Variants in DLG2 observed in about 807,000 individuals in gnomAD.
DLG2 encodes disks large homolog 2.
In DLG2, 45 loss-of-function variants were observed where a neutral mutation model predicts 132.5. The observed-to-expected ratio is 0.34, with a 90% CI of 0.27 to 0.44. The LOEUF is 0.44. DLG2 is among the 20% of genes least tolerant of loss of function. The pLI, the probability that DLG2 is intolerant of heterozygous loss-of-function variation, is 1.00. For missense variants in DLG2, 1,045 were observed against 1,196.9 expected (o/e 0.87, Z 1.87); for synonymous variants, 424 against 419.6 (o/e 1.01, Z -0.13).
intron 8 of DLG2, among the ~76,000 whole-genome samples, chr11:84,166,500 C>CAAAAAA (rs398016937): frequency 2.1e-3 from 161 of 76,414 alleles, no homozygotes; most frequent in African/African-American, 3.0e-3. Flanking sequence ...GACTCTGCTT[C>CAAAAAA]AAAAAAAAAA....
intron 8 of DLG2, among the ~76,000 whole-genome samples, chr11:84,221,617 C>A (rs1357030873): frequency 5.9e-5 from 9 of 152,134 alleles, no homozygotes; most frequent in Non-Finnish European, 1.3e-4. Context: ...ACCTGTACAG[C>A]ATTTTAAGAA....
intron 10 of DLG2, among the ~76,000 whole-genome samples, chr11:84,063,981 G>A (rs538705379): frequency 2.1e-4 from 32 of 151,538 alleles, no homozygotes; most frequent in Middle Eastern, 3.4e-3. Context: ...GGGGCTGGGG[G>A]AGGGATAGCA....
At chr11:85,604,922 G>C (rs999678278) in intron 2 of DLG2, among the ~76,000 whole-genome samples, 2 of 152,012 alleles carry the variant, frequency 1.3e-5, no homozygotes, top group African/African-American at 4.8e-5. Flanking sequence ...TGAACTTTTA[G>C]AGAAAAGAAA....
chr11:85,475,822 T>C (rs1428125293), intron 3 of DLG2, among the ~76,000 whole-genome samples: 1 of 152,120 alleles, frequency 6.6e-6, no homozygotes, highest in Admixed American at 6.5e-5. Context: ...TAGTGGCAAG[T>C]CCAGGATTTG....
At chr11:84,906,504 G>C (rs2091535012) in intron 6 of DLG2, among the ~76,000 whole-genome samples, 1 of 151,346 alleles carries the variant, frequency 6.6e-6, no homozygotes, top group South Asian at 2.1e-4. Flanking sequence ...TATGAGACAG[G>C]AGACATGATA....
intron 4 of DLG2, among the ~76,000 whole-genome samples, chr11:85,249,871 C>G (rs1451413349): frequency 2.0e-5 from 3 of 152,100 alleles, no homozygotes; most frequent in African/African-American, 7.2e-5. Context: ...AACTAAGAAC[C>G]TCTTTTATTT....
At chr11:83,819,845 A>C (rs908753903) in intron 17 of DLG2, among the ~76,000 whole-genome samples, 6 of 152,146 alleles carry the variant, frequency 3.9e-5, no homozygotes, top group Non-Finnish European at 8.8e-5. Context: ...AAGAAGGAGT[A>C]ACATTTCTCA....
chr11:83,550,970 T>C (rs656727), intron 19 of DLG2, among the ~76,000 whole-genome samples: 1 of 152,012 alleles, frequency 6.6e-6, no homozygotes, highest in Non-Finnish European at 1.5e-5. Context: ...TTGCTAATAG[T>C]CGATTATCAT....
intron 18 of DLG2, among the ~76,000 whole-genome samples, chr11:83,752,133 T>C (rs1823488796): frequency 6.6e-6 from 1 of 151,984 alleles, no homozygotes; most frequent in African/African-American, 2.4e-5. Context: ...CTGGGCATGG[T>C]GGTGGGCTCC....
intron 21 of DLG2, among the ~76,000 whole-genome samples, chr11:83,495,834 G>A (rs1419189179): frequency 1.3e-5 from 2 of 152,006 alleles, no homozygotes; most frequent in African/African-American, 4.8e-5. Context: ...AAATTATTAA[G>A]GGATAGATTA....
At chr11:84,095,664 A>T (rs149928833) in intron 10 of DLG2, among the ~76,000 whole-genome samples, 29 of 152,290 alleles carry the variant, frequency 1.9e-4, no homozygotes, top group Non-Finnish European at 3.7e-4. Flanking sequence ...GGATCCCCAA[A>T]TGATTTATGC....
At chr11:84,715,529 C>A (rs1157907796) in intron 6 of DLG2, among the ~76,000 whole-genome samples, 1 of 152,060 alleles carries the variant, frequency 6.6e-6, no homozygotes, top group East Asian at 1.9e-4. Context: ...CCCACATCTT[C>A]AAATTTCCTC....
intron 6 of DLG2, among the ~76,000 whole-genome samples, chr11:84,830,199 CAGAT>C (rs990208763): frequency 2.0e-5 from 3 of 151,496 alleles, no homozygotes; most frequent in African/African-American, 7.3e-5. Context: ...GAGAGAGAAA[CAGAT>C]AGAGAACATT....
chr11:84,109,120 A>G (rs1394536546), intron 9 of DLG2, among the ~76,000 whole-genome samples: 1 of 152,188 alleles, frequency 6.6e-6, no homozygotes, highest in Non-Finnish European at 1.5e-5. Flanking sequence ...ATCGTCAAAA[A>G]AAAAATAATA....
intron 17 of DLG2, among the ~76,000 whole-genome samples, chr11:83,820,199 AC>A (rs2050376191): frequency 6.6e-6 from 1 of 152,138 alleles, no homozygotes; most frequent in African/African-American, 2.4e-5. Context: ...TTATTGTCTT[AC>A]GGGAACAATA....
intron 6 of DLG2, among the ~76,000 whole-genome samples, chr11:84,735,972 T>C (rs2063775677): frequency 1.3e-5 from 2 of 151,960 alleles, no homozygotes; most frequent in South Asian, 2.1e-4. Flanking sequence ...ATCTAAGAAA[T>C]CTGTTTAACC....
At chr11:85,282,147 T>TA (rs988488273) in intron 4 of DLG2, among the ~76,000 whole-genome samples, 1 of 151,338 alleles carries the variant, frequency 6.6e-6, no homozygotes, top group Non-Finnish European at 1.5e-5. Flanking sequence ...ATATGGAAGC[T>TA]AAAAAAAATA....
intron 8 of DLG2, among the ~76,000 whole-genome samples, chr11:84,214,025 G>A (rs2096795203): frequency 6.6e-6 from 1 of 150,852 alleles, no homozygotes; most frequent in Non-Finnish European, 1.5e-5. Context: ...CCCACAGAGG[G>A]CAAATAACCC....
chr11:85,141,200 T>A (rs1267627119), intron 5 of DLG2, among the ~76,000 whole-genome samples: 2 of 151,904 alleles, frequency 1.3e-5, no homozygotes, highest in Non-Finnish European at 2.9e-5. Flanking sequence ...GTATGAGGGT[T>A]ACCCTTTCTC....
Sources: allele counts gnomAD v4.1 joint callset (sites outside exome capture counted in the v4.1 genomes callset), GRCh38; gene constraint gnomAD v4.1.1; transcripts MANE v1.5; gene names NCBI Gene and HGNC (gene_info 2026-07-23, HGNC 2026-07-21).